The following HPCAL1 variants were observed in gnomAD, a reference collection of about 807,000 sequenced individuals.
HPCAL1 encodes hippocalcin like 1.
HPCAL1 carries 8 observed loss-of-function variants against 17.1 expected under a neutral mutation model. The ratio of observed to expected loss-of-function variants is 0.47; its 90% CI spans 0.27 to 0.84. The LOEUF (loss-of-function observed/expected upper bound fraction) is 0.84, where lower values mean the gene tolerates loss of function less well. Ranked by LOEUF, HPCAL1 falls within the 40% of genes least tolerant of loss-of-function variation. HPCAL1 has a pLI of 0.13. For synonymous variants in HPCAL1, 112 were observed against 111.4 expected, an observed-to-expected ratio of 1.01 and a Z score of -0.03; for missense variants, 165 against 271.1, an observed-to-expected ratio of 0.61 and a Z score of 2.75.
chr2:10,427,461 TTGTC>T lies in HPCAL1; in HGVS notation c.*643_*646del, dbSNP rs1433216703. 6.6e-6 allele frequency: 1 copy of T among 152,346 alleles called. No homozygotes were observed. The highest frequency in any genetic ancestry group is 2.4e-5 in the African/African-American group (1 of 41,446). 9.4% of individuals were successfully genotyped at this position (152,346 alleles called of 1,614,324 possible). On this transcript the variant is annotated 3_prime_UTR_variant, in exon 5 of 5. Transcript: ENST00000307845. The stretch of plus-strand genomic sequence containing the variant: ...CTGTTGTGTGGTATTTATGCTCTCT[TTGTC>T]TGCCTGTTTCTAAGGAAATGCATGT...
chr2:10,337,201 C>T (rs1664776128), intron 1 of HPCAL1, among the ~76,000 whole-genome samples: 1 of 152,172 alleles, frequency 6.6e-6, no homozygotes, highest in South Asian at 2.1e-4. Context: ...CATAGGGAGG[C>T]CAGGGAGGGA....
intron 1 of HPCAL1, among the ~76,000 whole-genome samples, chr2:10,315,942 G>A (rs1558451709): frequency 6.6e-6 from 1 of 152,310 alleles, no homozygotes; most frequent in East Asian, 1.9e-4. Context: ...AGGAGGTGGA[G>A]GTTGCACTGA....
chr2:10,401,535 G>A (rs1180907180), intron 2 of HPCAL1, among the ~76,000 whole-genome samples: 2 of 152,106 alleles, frequency 1.3e-5, no homozygotes, highest in African/African-American at 4.8e-5. Context: ...CGCGGTGGCC[G>A]AAGATCCACT....
intron 1 of HPCAL1, among the ~76,000 whole-genome samples, chr2:10,345,566 C>T (rs1010138677): frequency 6.6e-6 from 1 of 151,412 alleles, no homozygotes; most frequent in East Asian, 1.9e-4. Context: ...AAGCGATTCT[C>T]CCACCTCAGC....
intron 2 of HPCAL1, among the ~76,000 whole-genome samples, chr2:10,400,467 G>C (rs549573407): frequency 3.0e-4 from 45 of 152,204 alleles, no homozygotes; most frequent in Non-Finnish European, 6.0e-4. Context: ...AGGACCCCAG[G>C]CTTGCCTCCC....
At chr2:10,408,214 A>G (rs1459624354) in intron 2 of HPCAL1, among the ~76,000 whole-genome samples, 1 of 152,254 alleles carries the variant, frequency 6.6e-6, no homozygotes, top group African/African-American at 2.4e-5. Context: ...GAGAGGGTGG[A>G]AAAGAAGGAG....
At chr2:10,414,968 A>G (rs1178615524) in intron 2 of HPCAL1, among the ~76,000 whole-genome samples, 3 of 152,212 alleles carry the variant, frequency 2.0e-5, no homozygotes, top group African/African-American at 7.2e-5. Context: ...AGAACGCCAC[A>G]GTTTGAGAGG....
Position 10,331,626 on chromosome 2 carries a change from T to G in HPCAL1, c.-111+28449T>G, listed in dbSNP as rs1407158477. Among the ~76,000 whole-genome samples the G allele has an allele frequency of 6.6e-6, 1 of 152,066 alleles. No homozygotes were observed. Among genetic ancestry groups the G allele is most frequent in the Non-Finnish European group, 1.5e-5 (1 of 68,020 alleles). On this transcript the variant is annotated intron_variant, in intron 1 of 4. Coordinates refer to ENST00000307845, the MANE Select transcript of HPCAL1 (RefSeq NM_002149.4). This position sits in a 1 kb window ranked among gnomAD's most constrained non-coding sequence, Gnocchi z 5.0. ...GGGCCCAGCTGCACTGTGCCCGGGG[T>G]CCAGGGATGGGTGTGAGGCTGTCTG... is the stretch of plus-strand genomic sequence containing the variant.
intron 1 of HPCAL1, among the ~76,000 whole-genome samples, chr2:10,345,446 T>C (rs1048148868): frequency 4.2e-5 from 6 of 142,364 alleles, no homozygotes; most frequent in African/African-American, 1.3e-4. Context: ...GTACTATTTA[T>C]TATTTGTCCT....
intron 1 of HPCAL1, among the ~76,000 whole-genome samples, chr2:10,333,591 G>T (rs1490222673): frequency 1.3e-5 from 2 of 152,176 alleles, no homozygotes; most frequent in African/African-American, 4.8e-5. Flanking sequence ...GAGCTGGTGT[G>T]CTTTGGTGTT....
chr2:10,311,347 G>A (rs562714946), intron 1 of HPCAL1, among the ~76,000 whole-genome samples: 96 of 152,288 alleles, frequency 6.3e-4, no homozygotes, highest in African/African-American at 2.1e-3. Context: ...AAAGGTAGAC[G>A]CAGGGCTCTG....
At chr2:10,347,885 G>A (rs577476922) in intron 1 of HPCAL1, among the ~76,000 whole-genome samples, 5 of 152,312 alleles carry the variant, frequency 3.3e-5, no homozygotes, top group Middle Eastern at 6.8e-3. Flanking sequence ...AAAATGCAGC[G>A]TGGGAATGGG....
intron 2 of HPCAL1, among the ~76,000 whole-genome samples, chr2:10,406,531 C>T (rs1669980093): frequency 6.6e-6 from 1 of 152,270 alleles, no homozygotes; most frequent in South Asian, 2.1e-4. Flanking sequence ...CCAGAGACTC[C>T]ACTCTCACTT....
intron 1 of HPCAL1, among the ~76,000 whole-genome samples, chr2:10,374,632 G>T (rs1223597987): frequency 6.6e-6 from 1 of 152,246 alleles, no homozygotes; most frequent in Non-Finnish European, 1.5e-5. Context: ...ACAGACACGG[G>T]CGTATTTAAT....
At position 10,419,982 on chromosome 2, in the gene HPCAL1, C is replaced by T; in HGVS notation, c.225C>T (p.Asn75=). 2 of 1,614,018 alleles carry T rather than the reference C, an allele frequency of 1.2e-6. No homozygotes were observed. The highest frequency in any genetic ancestry group is 1.1e-5 in the South Asian group (1 of 91,090). Reference sequence around the variant, plus strand: ...ACGTCTTCCGCACCTTCGACACCAACGGCGACGGCACCATCGACTTCCGGG... The same window carrying T: ...ACGTCTTCCGCACCTTCGACACCAATGGCGACGGCACCATCGACTTCCGGG... ...AEHVFRTFDT[N]GDGTIDFREF... Residue 75 remains asparagine, a synonymous_variant, in exon 3 of 5, where the codon AAC becomes AAT. Transcript: ENST00000307845. The surrounding 1 kb of genome is among the most constrained non-coding windows in gnomAD (Gnocchi z 5.0).
intron 1 of HPCAL1, among the ~76,000 whole-genome samples, chr2:10,334,916 G>A (rs753664977): frequency 3.3e-5 from 5 of 152,246 alleles, no homozygotes; most frequent in Middle Eastern, 3.2e-3. Context: ...GAGCGCAAGT[G>A]AGCCACCTGC....
At chr2:10,349,959 C>CAAAT (rs1665738211) in intron 1 of HPCAL1, among the ~76,000 whole-genome samples, 1 of 152,034 alleles carries the variant, frequency 6.6e-6, no homozygotes, top group South Asian at 2.1e-4. Flanking sequence ...GAACTAGCAC[C>CAAAT]AAATCCTTGC....
At chr2:10,426,509 G>A in intron 4 of HPCAL1, 2 of 548,356 alleles carry the variant, frequency 3.6e-6, no homozygotes, top group South Asian at 4.3e-5. Context: ...AGCCCTTTGA[G>A]GTACCTGATG....
At chr2:10,335,746 T>G (rs1021055735) in intron 1 of HPCAL1, among the ~76,000 whole-genome samples, 1 of 152,178 alleles carries the variant, frequency 6.6e-6, no homozygotes, top group Non-Finnish European at 1.5e-5. Context: ...TCTACAAGGG[T>G]CAGTGAGCTC....
Sources: allele counts gnomAD v4.1 joint callset (sites outside exome capture counted in the v4.1 genomes callset), GRCh38; gene constraint gnomAD v4.1.1; non-coding constraint Gnocchi (gnomAD v3.1); transcripts MANE v1.5; gene names NCBI Gene and HGNC (gene_info 2026-07-23, HGNC 2026-07-21).